The following N4BP2 variants were observed in gnomAD, a reference collection of about 807,000 sequenced individuals.
The protein encoded by N4BP2 is NEDD4 binding protein 2.
N4BP2 carries 91 observed loss-of-function variants against 152.8 expected under a neutral mutation model. The observed-to-expected ratio is 0.60, with a 90% CI of 0.50 to 0.71. The LOEUF (loss-of-function observed/expected upper bound fraction) is 0.71, where lower values mean the gene tolerates loss of function less well. N4BP2 is among the 30% of genes least tolerant of loss of function. The probability of loss-of-function intolerance (pLI) is 0.00; values close to 1 mark genes in which losing one functional copy is unlikely to be tolerated. For synonymous variants in N4BP2, 646 were observed against 705.3 expected, an observed-to-expected ratio of 0.92 and a Z score of 1.33; for missense variants, 1,923 against 2,059.1, an observed-to-expected ratio of 0.93 and a Z score of 1.28.
In N4BP2 at chr4:40,121,265, A is replaced by T; in HGVS notation, c.3154A>T (p.Lys1052Ter). The part of the protein sequence containing the change: ...LTGRLDGFKP[K>*]VFNINTKSDV... ...AGGAAGATTAGATGGATTTAAGCCG[A>T]AAGTTTTCAATATTAACACAAAATC... Residue 1052 changes from lysine (K) to a stop codon, truncating the protein, a stop_gained, in exon 9 of 18, where the codon AAA becomes TAA. Coordinates refer to ENST00000261435, the MANE Select transcript of N4BP2 (RefSeq NM_018177.6). LOFTEE classifies it high-confidence loss of function. 5.6e-6 allele frequency: 9 copies of T among 1,613,320 alleles called. No homozygotes were observed. Among genetic ancestry groups the T allele is most frequent in the Non-Finnish European group, 7.6e-6 (9 of 1,179,830 alleles).
chr4:40,160,133 C>T (rs557917051), downstream of N4BP2, among the ~76,000 whole-genome samples: 19 of 152,112 alleles, frequency 1.2e-4, no homozygotes, highest in East Asian at 1.9e-4. Flanking sequence ...GAATTTTATT[C>T]GGGGAGGATT....
chr4:40,126,247 G>C lies in N4BP2; in HGVS notation c.4444G>C (p.Asp1482His). The change falls in exon 12 of 18, where the codon GAT becomes CAT. Residue 1482 changes from aspartate to histidine, a missense_variant. Transcript: ENST00000261435. ...LTASEMLPLL[D>H]HWNTQTKKVS... The stretch of plus-strand genomic sequence containing the variant: ...AGCATCTGAAATGCTACCTTTATTG[G>C]ATCATTGGAATACTCAAACTAAAAA... The C allele has an allele frequency of 6.2e-7, 1 of 1,605,548 alleles. No homozygotes were observed. Among genetic ancestry groups the C allele is most frequent in the South Asian group, 1.1e-5 (1 of 89,522 alleles).
chr4:40,059,006 A>C (rs1286180061), intron 1 of N4BP2, among the ~76,000 whole-genome samples: 2 of 152,064 alleles, frequency 1.3e-5, no homozygotes, highest in Admixed American at 1.3e-4. Flanking sequence ...TTTTTTGTAG[A>C]GAGGAGGTTT....
rs73229745 is a variant in N4BP2, at chr4:40,083,829, C to G, written c.-115+10278C>G. 4.1e-3 allele frequency among the ~76,000 whole-genome samples: 621 copies of G among 152,232 alleles called. 1 individual carries two copies. Among genetic ancestry groups the G allele is most frequent in the Middle Eastern group, 0.014 (4 of 294 alleles). ...TTGAAATGGTGAATTTTATGGTTTA[C>G]ATATTATATTTTAATAAAGCTGGTA... On this transcript the variant is annotated intron_variant, in intron 2 of 17. Transcript: ENST00000261435.
chr4:40,123,670 AG>A (rs1718139890), intron 10 of N4BP2, among the ~76,000 whole-genome samples: 1 of 150,330 alleles, frequency 6.7e-6, no homozygotes, highest in African/African-American at 2.5e-5. Context: ...TTTTTTGTAG[AG>A]GCAAGGTCTC....
intron 16 of N4BP2, among the ~76,000 whole-genome samples, chr4:40,146,107 G>A (rs1298543907): frequency 1.3e-5 from 2 of 152,014 alleles, no homozygotes; most frequent in East Asian, 1.9e-4. Context: ...AGGTTGCAGT[G>A]AGCCAAGATC....
Position 40,117,881 on chromosome 4 carries a change from T to C in N4BP2, c.1677T>C (p.His559=), listed in dbSNP as rs1128372. Residue 559 remains histidine (H), a synonymous_variant, in exon 8 of 18, where the codon CAT becomes CAC. Transcript: ENST00000261435. The stretch of plus-strand genomic sequence containing the variant: ...CTGGAATTTTCAGGCGTAACATTCA[T>C]GGGGTAAGCAAAGAAAAAATAACAA... ...KPKELARRNI[H]GVSKEKITRM... 0.22 allele frequency: 353,449 copies of C among 1,604,246 alleles called. 42,059 individuals are homozygous for C. Among genetic ancestry groups the C allele is most frequent in the Admixed American group, 0.27 (15,482 of 58,132 alleles).
chr4:40,111,984 C>A, intron 5 of N4BP2, 100 bp from the exon 6 acceptor site: 1 of 650,120 alleles, frequency 1.5e-6, no homozygotes, highest in Non-Finnish European at 2.6e-6. Flanking sequence ...GTAAAATTAG[C>A]ACATCATGAT....
At chr4:40,140,990 C>T (rs1016230950) in intron 14 of N4BP2, among the ~76,000 whole-genome samples, 3 of 151,260 alleles carry the variant, frequency 2.0e-5, no homozygotes, top group Non-Finnish European at 4.4e-5. Flanking sequence ...TGTCTACCTC[C>T]TACTACACAA....
chr4:40,072,050 A>G (rs1395532152), intron 1 of N4BP2, among the ~76,000 whole-genome samples: 1 of 151,522 alleles, frequency 6.6e-6, no homozygotes, highest in Non-Finnish European at 1.5e-5. Context: ...CTGGGACTAC[A>G]AGCATTTGCC....
intron 2 of N4BP2, among the ~76,000 whole-genome samples, chr4:40,093,514 C>T (rs1714821694): frequency 6.6e-6 from 1 of 152,084 alleles, no homozygotes; most frequent in Non-Finnish European, 1.5e-5. Context: ...TGAAGTGATT[C>T]TCCTGCCTCA....
intron 13 of N4BP2, among the ~76,000 whole-genome samples, chr4:40,133,972 G>C (rs1579107424): frequency 6.6e-6 from 1 of 151,968 alleles, no homozygotes; most frequent in Admixed American, 6.6e-5. Context: ...CGCCTGGCTA[G>C]TTTTTGTATA....
chr4:40,104,317 G>C (rs1716033087), intron 4 of N4BP2, among the ~76,000 whole-genome samples: 1 of 149,414 alleles, frequency 6.7e-6, no homozygotes. Flanking sequence ...AACATTATCA[G>C]TTGGGTCTCT....
intron 4 of N4BP2, among the ~76,000 whole-genome samples, chr4:40,104,260 C>CTTT (rs754438067): frequency 7.3e-6 from 1 of 137,420 alleles, no homozygotes; most frequent in East Asian, 2.1e-4. Context: ...CTTGCTAGTT[C>CTTT]TTTTTTTTTT....
intron 13 of N4BP2, among the ~76,000 whole-genome samples, chr4:40,133,026 C>T (rs537461333): frequency 4.1e-4 from 63 of 152,038 alleles, no homozygotes; most frequent in Non-Finnish European, 7.8e-4. Context: ...CCATTTTTCC[C>T]TCTGCTGTGG....
chr4:40,106,921 A>G lies in N4BP2; in HGVS notation c.1395A>G (p.Pro465=). The change falls in exon 5 of 18, where the codon CCA becomes CCG. Residue 465 remains proline, a synonymous_variant. Coordinates refer to ENST00000261435, the MANE Select transcript of N4BP2 (RefSeq NM_018177.6). ...FLARTLQEDN[P]SGVILSTDDY... is the part of the protein sequence containing the mutation. The stretch of plus-strand genomic sequence containing the variant: ...ACAGGACTTTGCAAGAGGATAATCC[A>G]AGTGGAGTCATTCTTAGTACTGATG... The G allele has an allele frequency of 1.2e-6, 2 of 1,611,060 alleles. No homozygotes were observed. Among genetic ancestry groups the G allele is most frequent in the Non-Finnish European group, 1.7e-6 (2 of 1,177,726 alleles).
intron 13 of N4BP2, among the ~76,000 whole-genome samples, chr4:40,133,714 T>C (rs1327538259): frequency 6.6e-6 from 1 of 152,252 alleles, no homozygotes; most frequent in African/African-American, 2.4e-5. Flanking sequence ...TCATTATGTA[T>C]ATACAGATAT....
chr4:40,151,011 A>C (rs1440007778), intron 16 of N4BP2, among the ~76,000 whole-genome samples: 1 of 152,258 alleles, frequency 6.6e-6, no homozygotes, highest in Non-Finnish European at 1.5e-5. Context: ...AGTGTGCTGA[A>C]AAATGAGTTA....
chr4:40,111,261 A>G (rs1716851318), intron 5 of N4BP2, among the ~76,000 whole-genome samples: 1 of 152,164 alleles, frequency 6.6e-6, no homozygotes, highest in African/African-American at 2.4e-5. Flanking sequence ...ACTAAACTCA[A>G]GACTATAGTT....
Sources: gnomAD v4.1 joint callset for allele counts (sites outside exome capture counted in the v4.1 genomes callset) on GRCh38, gnomAD v4.1.1 for gene constraint, MANE v1.5 for transcripts, NCBI Gene and HGNC (gene_info 2026-07-23, HGNC 2026-07-21) for gene names.